PREX2: variants seen among roughly 807,000 people sequenced by gnomAD.
PREX2 encodes the protein phosphatidylinositol-3,4,5-trisphosphate dependent Rac exchange factor 2.
PREX2 carries 107 observed loss-of-function variants against 203.2 expected under a neutral mutation model. The ratio of observed to expected loss-of-function variants is 0.53; its 90% CI spans 0.45 to 0.62. The LOEUF (loss-of-function observed/expected upper bound fraction) is 0.62. Among genes scored for constraint, PREX2 ranks in the 20% least tolerant of loss-of-function variants. PREX2 has a pLI of 0.00. For synonymous variants in PREX2, 672 were observed against 663.6 expected, an observed-to-expected ratio of 1.01 and a Z score of -0.19; for missense variants, 1,777 against 1,955.9, an observed-to-expected ratio of 0.91 and a Z score of 1.72.
chr8:68,055,966 T>C lies in PREX2; in HGVS notation c.1230T>C (p.Phe410=). ...AACTGACTACGTTCCCTAAATGCTT[T>C]CTTGGAAGGTAGGGTTGGGAGTTTG... ...KRKLTTFPKC[F]LGSEFVSWLL... is the part of the protein sequence containing the mutation. Residue 410 remains phenylalanine (F), a synonymous_variant, in exon 10 of 40, where the codon TTT becomes TTC. Transcript: ENST00000288368. 4 of 1,610,420 alleles carry C rather than the reference T, an allele frequency of 2.5e-6. No individual in the cohort carries two copies. The highest frequency in any genetic ancestry group is 3.4e-6 in the Non-Finnish European group (4 of 1,178,980).
Position 68,160,987 on chromosome 8 carries a change from A to G in PREX2, c.4346+3551A>G, listed in dbSNP as rs1420526147. On this transcript the variant is annotated intron_variant, in intron 35 of 39. Transcript: ENST00000288368. ...TTAATGGTAAAGTTATTTTAATAAAACCTTATAAACAAATCCATCCAATCT... is the reference window on the plus strand; with the variant it reads ...TTAATGGTAAAGTTATTTTAATAAAGCCTTATAAACAAATCCATCCAATCT... 4.6e-5 allele frequency among the ~76,000 whole-genome samples: 7 copies of G among 152,192 alleles called. No homozygotes were observed. In the East Asian group the frequency reaches 1.3e-3, roughly 29 times the overall value.
chr8:68,029,760 C>T (rs1807825393), intron 5 of PREX2, among the ~76,000 whole-genome samples: 1 of 152,052 alleles, frequency 6.6e-6, no homozygotes, highest in African/African-American at 2.4e-5. Context: ...TGCTTTTAAA[C>T]AACTAACAAG....
At chr8:68,044,741 G>A in intron 8 of PREX2, 151 bp downstream of exon 8, 1 of 620,812 alleles carries the variant, frequency 1.6e-6, no homozygotes, top group Non-Finnish European at 2.8e-6. Flanking sequence ...AAAAGAGAAA[G>A]GTGAGATAAG....
intron 35 of PREX2, among the ~76,000 whole-genome samples, chr8:68,158,261 GAAA>G (rs947955342): frequency 6.6e-6 from 1 of 151,468 alleles, no homozygotes; most frequent in African/African-American, 2.4e-5. Context: ...ATTTTTAAAA[GAAA>G]AAATATTTTT....
chr8:68,109,302 G>A (rs1158717083), intron 24 of PREX2, 114 bp from the exon 25 acceptor site: 1 of 732,758 alleles, frequency 1.4e-6, no homozygotes, highest in Non-Finnish European at 2.2e-6. Flanking sequence ...GGTTGTACAT[G>A]TAATACATAT....
chr8:68,229,274 AACCTTTTTCGTGC>A (rs1489219222), intron 39 of PREX2, among the ~76,000 whole-genome samples: 1 of 152,174 alleles, frequency 6.6e-6, no homozygotes, highest in Non-Finnish European at 1.5e-5. Flanking sequence ...GCCAAAACCA[AACCTTTTTCGTGC>A]AGGGCCACTG....
intron 30 of PREX2, among the ~76,000 whole-genome samples, chr8:68,126,152 T>G (rs1345628037): frequency 1.3e-5 from 2 of 152,112 alleles, no homozygotes; most frequent in Non-Finnish European, 2.9e-5. Flanking sequence ...TATATTCCTT[T>G]GCTAGCAAAA....
At position 68,002,034 on chromosome 8, in the gene PREX2, C is replaced by G. The variant is rs149541903; in HGVS notation, c.142-15812C>G. On this transcript the variant is annotated intron_variant, in intron 1 of 39. Coordinates refer to ENST00000288368, the MANE Select transcript of PREX2 (RefSeq NM_024870.4). ...AATCTGTAAAACAAATCCTGTGACA[C>G]AAGTTTCCCTATGTAACAAACCTGC... 2.6e-3 allele frequency among the ~76,000 whole-genome samples: 395 copies of G among 150,852 alleles called. 1 individual carries two copies. The highest frequency in any genetic ancestry group is 9.1e-3 in the African/African-American group (373 of 41,088).
chr8:68,062,433 G>A lies in PREX2; in HGVS notation c.1339+1654G>A, dbSNP rs912334435. 5.3e-5 allele frequency among the ~76,000 whole-genome samples: 8 copies of A among 152,096 alleles called. 1 individual carries two copies. In the South Asian group the frequency reaches 8.3e-4, roughly 16 times the overall value. On this transcript the variant is annotated intron_variant, in intron 11 of 39. Transcript: ENST00000288368. ...CTTCTTACCATGACCTACAACATCC[G>A]ATGAGATAAGGCCCCTGACTTCCTC...
intron 10 of PREX2, 60 bp downstream of exon 10, chr8:68,056,034 A>T: frequency 6.7e-7 from 1 of 1,484,942 alleles, no homozygotes; most frequent in South Asian, 1.3e-5. Context: ...TCACCTGTTA[A>T]CTTTCCTTCA....
At chr8:68,081,247 A>G (rs898642766) in intron 17 of PREX2, among the ~76,000 whole-genome samples, 8 of 152,128 alleles carry the variant, frequency 5.3e-5, no homozygotes, top group Non-Finnish European at 7.4e-5. Context: ...CTCGGTTCAC[A>G]ATTGGGTTCG....
chr8:68,024,841 A>G (rs922942218), intron 4 of PREX2, among the ~76,000 whole-genome samples: 3 of 151,974 alleles, frequency 2.0e-5, no homozygotes, highest in African/African-American at 7.2e-5. Context: ...TACAATATGC[A>G]TCTTAACATA....
chr8:68,130,727 C>T (rs369119165), intron 31 of PREX2, among the ~76,000 whole-genome samples: 29 of 152,140 alleles, frequency 1.9e-4, no homozygotes, highest in African/African-American at 6.5e-4. Context: ...AAGTCACAGG[C>T]CACTTCTCTG....
chr8:68,196,772 C>G lies in PREX2; in HGVS notation c.4604+4247C>G, dbSNP rs962971333. On this transcript the variant is annotated intron_variant, in intron 37 of 39. Coordinates refer to ENST00000288368, the MANE Select transcript of PREX2 (RefSeq NM_024870.4). The stretch of plus-strand genomic sequence containing the variant: ...TCCTGCTCCAGCCGTGTAAGAGGCG[C>G]CTGCTTCCCCTTCACCTTCCACCAT... Among the ~76,000 whole-genome samples, 5 of 152,006 alleles carry G rather than the reference C, an allele frequency of 3.3e-5. No homozygotes were observed. The East Asian group carries it at 7.8e-4, about 24-fold the overall frequency.
At position 68,234,222 on chromosome 8, in the gene PREX2, G is replaced by A. The variant is rs1813223768; in HGVS notation, c.*2844G>A. On this transcript the variant is annotated 3_prime_UTR_variant, in exon 40 of 40. Coordinates refer to ENST00000288368, the MANE Select transcript of PREX2 (RefSeq NM_024870.4). ...TTTTCAATGCCATATGTACCTCCATGTGACATTGGGCATTAAATGGCCTTG... is the reference window on the plus strand; with the variant it reads ...TTTTCAATGCCATATGTACCTCCATATGACATTGGGCATTAAATGGCCTTG... 1 of 152,140 alleles carries A rather than the reference G, an allele frequency of 6.6e-6. No individual in the cohort carries two copies. The highest frequency in any genetic ancestry group is 1.5e-5 in the Non-Finnish European group (1 of 68,014). The allele number at this position is 152,140 out of a possible 1,614,324, so 9.4% of individuals were successfully genotyped here. A position where few individuals can be genotyped will look rare whatever the true frequency, so the allele number is the denominator to read the frequency against.
At chr8:67,999,520 C>T (rs1038394246) in intron 1 of PREX2, among the ~76,000 whole-genome samples, 7 of 143,334 alleles carry the variant, frequency 4.9e-5, no homozygotes, top group African/African-American at 7.7e-5. Flanking sequence ...AGATTCATAG[C>T]CAAATTCTAC....
At chr8:68,179,658 A>G (rs1232346409) in intron 35 of PREX2, among the ~76,000 whole-genome samples, 1 of 152,162 alleles carries the variant, frequency 6.6e-6, no homozygotes, top group Non-Finnish European at 1.5e-5. Flanking sequence ...TACTAGATGC[A>G]TATTTCCTGC....
At chr8:68,097,306 C>T (rs1810112875) in intron 22 of PREX2, 105 bp downstream of exon 22, 1 of 877,638 alleles carries the variant, frequency 1.1e-6, no homozygotes, top group Non-Finnish European at 1.7e-6. Context: ...CATGTTGCAG[C>T]TGTCAGCTCA....
chr8:68,123,719 G>A (rs1810825760), intron 30 of PREX2, among the ~76,000 whole-genome samples: 1 of 151,682 alleles, frequency 6.6e-6, no homozygotes, highest in Admixed American at 6.6e-5. Flanking sequence ...GAAAGAAATT[G>A]AATCCCTGAA....
Sources: gnomAD v4.1 joint callset for allele counts (sites outside exome capture counted in the v4.1 genomes callset) on GRCh38, gnomAD v4.1.1 for gene constraint, MANE v1.5 for transcripts, NCBI Gene and HGNC (gene_info 2026-07-23, HGNC 2026-07-21) for gene names.